DOCK5: variants seen among roughly 807,000 people sequenced by gnomAD.
The protein encoded by DOCK5 is dedicator of cytokinesis 5.
In DOCK5, 142 loss-of-function variants were observed where a neutral mutation model predicts 251.8. That is an observed-to-expected ratio of 0.56 (90% CI 0.49 to 0.65). The LOEUF is 0.65. Among genes scored for constraint, DOCK5 ranks in the 30% least tolerant of loss-of-function variants. DOCK5 has a pLI of 0.00. For missense variants in DOCK5, 2,111 were observed against 2,312.3 expected, an observed-to-expected ratio of 0.91 and a Z score of 1.79; for synonymous variants, 842 against 835.5, an observed-to-expected ratio of 1.01 and a Z score of -0.13.
rs878950237 is a variant in DOCK5, at chr8:25,319,576, A to G, written c.1444-2A>G. On this transcript the variant is annotated splice_acceptor_variant, in intron 14 of 51. Coordinates refer to ENST00000276440, the MANE Select transcript of DOCK5 (RefSeq NM_024940.8). LOFTEE classifies it high-confidence loss of function. ...CTTCTAATTTTTTCCTTCCATCTGAAGAAAGCAATTCACCCTGGTGCTGGA... is the reference window on the plus strand; with the variant it reads ...CTTCTAATTTTTTCCTTCCATCTGAGGAAAGCAATTCACCCTGGTGCTGGA... 1 of 1,570,948 alleles carries G rather than the reference A, an allele frequency of 6.4e-7. No homozygotes were observed. Among genetic ancestry groups the G allele is most frequent in the Non-Finnish European group, 8.6e-7 (1 of 1,157,090 alleles).
At chr8:25,237,338 C>G (rs1802828451) in intron 1 of DOCK5, among the ~76,000 whole-genome samples, 1 of 152,040 alleles carries the variant, frequency 6.6e-6, no homozygotes, top group African/African-American at 2.4e-5. Context: ...CCACTGTACT[C>G]TGGCCTGGTT....
chr8:25,380,597 C>T (rs952476354), intron 39 of DOCK5, among the ~76,000 whole-genome samples: 4 of 152,188 alleles, frequency 2.6e-5, no homozygotes, highest in Non-Finnish European at 5.9e-5. Flanking sequence ...AGAGAAGGTT[C>T]AGGACATCTC....
chr8:25,399,894 C>G lies in DOCK5; in HGVS notation c.4705-17C>G, dbSNP rs761270261. On this transcript the variant is annotated splice_polypyrimidine_tract_variant and intron_variant, in intron 45 of 51. Coordinates refer to ENST00000276440, the MANE Select transcript of DOCK5 (RefSeq NM_024940.8). ...AGGAATGTGTTCTAATTAAAACTTG[C>G]ATATGCTTTTTTTTAGGCTTTTTTT... is the stretch of plus-strand genomic sequence containing the variant. The G allele has an allele frequency of 8.8e-6, 14 of 1,598,950 alleles. No homozygotes were observed. The Admixed American group carries it at 2.4e-4, about 27-fold the overall frequency.
rs151286212 is a variant in DOCK5 at position 25,248,580 on chromosome 8, C to T, written c.127+4823C>T. 2.0e-4 allele frequency among the ~76,000 whole-genome samples: 31 copies of T among 152,146 alleles called. 1 individual carries two copies. Among genetic ancestry groups the T allele is most frequent in the African/African-American group, 6.3e-4 (26 of 41,496 alleles). ...ACCAGATCTGTGTGTGTTTTTCCAG[C>T]GTGGACATGAATCCACCCAGACATG... On this transcript the variant is annotated intron_variant, in intron 2 of 51. Transcript: ENST00000276440.
chr8:25,402,120 T>TTTTTG (rs1308049067), intron 47 of DOCK5, among the ~76,000 whole-genome samples: 3 of 152,128 alleles, frequency 2.0e-5, no homozygotes, highest in South Asian at 4.1e-4. Flanking sequence ...GGTCTTATTC[T>TTTTTG]TTTTGTTTTG....
intron 27 of DOCK5, among the ~76,000 whole-genome samples, chr8:25,356,907 T>TTATATATA (rs34216387): frequency 1.5e-5 from 2 of 131,330 alleles, no homozygotes; most frequent in Admixed American, 7.8e-5. Context: ...TATATGAAGA[T>TTATATATA]TATATATATA....
intron 14 of DOCK5, among the ~76,000 whole-genome samples, chr8:25,318,368 C>T (rs1805318565): frequency 6.6e-6 from 1 of 152,144 alleles, no homozygotes; most frequent in Admixed American, 6.5e-5. Context: ...GGATTACAGG[C>T]ATGAGCCACC....
intron 47 of DOCK5, among the ~76,000 whole-genome samples, chr8:25,403,028 A>G (rs1004309386): frequency 1.3e-5 from 2 of 152,140 alleles, no homozygotes; most frequent in African/African-American, 4.8e-5. Context: ...CGATTTAATG[A>G]GCTTAGTCAT....
intron 34 of DOCK5, among the ~76,000 whole-genome samples, 184 bp downstream of exon 34, chr8:25,369,825 G>A (rs547667225): frequency 1.3e-5 from 2 of 152,278 alleles, no homozygotes; most frequent in East Asian, 1.9e-4. Flanking sequence ...TATCTCGTGG[G>A]AGTCAAATGC....
chr8:25,330,340 CAAGAT>C (rs1473759507), intron 18 of DOCK5, among the ~76,000 whole-genome samples: 1 of 152,070 alleles, frequency 6.6e-6, no homozygotes, highest in African/African-American at 2.4e-5. Flanking sequence ...AGTACTAAGG[CAAGAT>C]AAAAGAATGA....
intron 13 of DOCK5, among the ~76,000 whole-genome samples, chr8:25,311,922 CAA>C (rs763402229): frequency 1.8e-4 from 20 of 110,668 alleles, no homozygotes; most frequent in Admixed American, 1.9e-4. Context: ...ACTCTGCCTC[CAA>C]AAAAAAAAAA....
intron 14 of DOCK5, among the ~76,000 whole-genome samples, chr8:25,318,852 G>T (rs982471739): frequency 1.3e-5 from 2 of 151,996 alleles, no homozygotes; most frequent in African/African-American, 4.8e-5. Flanking sequence ...AGGCTACAAT[G>T]AAATACAATT....
At position 25,210,166 on chromosome 8, in the gene DOCK5, C is replaced by T. The variant is rs1260926856; in HGVS notation, c.43+25215C>T. 1.2e-4 allele frequency among the ~76,000 whole-genome samples: 7 copies of T among 59,706 alleles called. 3 individuals carry two copies. The highest frequency in any genetic ancestry group is 3.6e-4 in the Non-Finnish European group (7 of 19,524). 39.2% of individuals were successfully genotyped at this position (59,706 alleles called of 152,430 possible). A position where few individuals can be genotyped will look rare whatever the true frequency, so the allele number is the denominator to read the frequency against. On this transcript the variant is annotated intron_variant, in intron 1 of 51. Coordinates refer to ENST00000276440, the MANE Select transcript of DOCK5 (RefSeq NM_024940.8). ...AGAGATGGGGCCTTGCTATTTTGTC[C>T]AGGCTAGTCTTGAACTCTTGGCCTC...
chr8:25,242,001 T>C (rs1464414634), intron 1 of DOCK5, among the ~76,000 whole-genome samples: 1 of 111,202 alleles, frequency 9.0e-6, no homozygotes, highest in Non-Finnish European at 1.9e-5. Context: ...TGGGGCCTTT[T>C]GGGGGGTGGG....
At chr8:25,275,999 G>A (rs1214653795) in intron 4 of DOCK5, among the ~76,000 whole-genome samples, 2 of 152,118 alleles carry the variant, frequency 1.3e-5, no homozygotes, top group African/African-American at 4.8e-5. Context: ...AAACACAGAA[G>A]TAGCAAAAAC....
intron 3 of DOCK5, among the ~76,000 whole-genome samples, chr8:25,272,372 A>C (rs561556641): frequency 6.6e-6 from 1 of 152,304 alleles, no homozygotes; most frequent in African/African-American, 2.4e-5. Flanking sequence ...CTGAACATCC[A>C]GTGTAAATTG....
intron 26 of DOCK5, 124 bp downstream of exon 26, chr8:25,345,735 C>T: frequency 1.5e-6 from 2 of 1,366,338 alleles, no homozygotes; most frequent in Non-Finnish European, 2.0e-6. Flanking sequence ...GCAGGCTGTG[C>T]CCATTTTAGA....
At chr8:25,235,955 G>C (rs896599211) in intron 1 of DOCK5, among the ~76,000 whole-genome samples, 1 of 151,860 alleles carries the variant, frequency 6.6e-6, no homozygotes, top group Non-Finnish European at 1.5e-5. Context: ...GTGCTGCCAT[G>C]CCTGTCTAAT....
intron 36 of DOCK5, 98 bp from the exon 37 acceptor site, chr8:25,374,466 C>A: frequency 8.7e-7 from 1 of 1,148,544 alleles, no homozygotes; most frequent in Non-Finnish European, 1.2e-6. Flanking sequence ...CTGCATACTG[C>A]AGCCTGGGCA....
Sources: gnomAD v4.1 joint callset for allele counts (sites outside exome capture counted in the v4.1 genomes callset) on GRCh38, gnomAD v4.1.1 for gene constraint, MANE v1.5 for transcripts, NCBI Gene and HGNC (gene_info 2026-07-23, HGNC 2026-07-21) for gene names.